Variants in SGCZ observed in about 807,000 individuals in gnomAD.
SGCZ encodes zeta-sarcoglycan.
A neutral mutation model predicts 41.3 loss-of-function variants in SGCZ; 40 were observed. The ratio of observed to expected loss-of-function variants is 0.97; its 90% CI spans 0.75 to 1.26. The LOEUF (loss-of-function observed/expected upper bound fraction) is 1.26. Among genes scored for constraint, SGCZ ranks in the 50% most tolerant of loss-of-function variants. The pLI is 0.00. For missense variants in SGCZ, 552 were observed against 369.8 expected (o/e 1.49, Z -4.04); for synonymous variants, 206 against 137.5 (o/e 1.50, Z -3.49).
intron 1 of SGCZ, among the ~76,000 whole-genome samples, chr8:15,082,516 G>C (rs1041618643): frequency 7.2e-5 from 11 of 151,796 alleles, no homozygotes; most frequent in African/African-American, 2.7e-4. Context: ...CCAAAACACT[G>C]AGTTACAGAA....
chr8:14,690,676 G>A (rs1286737806), intron 1 of SGCZ: 11 of 152,064 alleles, frequency 7.2e-5, no homozygotes, highest in Admixed American at 1.3e-4. Flanking sequence ...TTCTAATACC[G>A]TGGCTGGTGT....
At chr8:14,136,154 A>G (rs1230627445) in intron 5 of SGCZ, among the ~76,000 whole-genome samples, 1 of 152,208 alleles carries the variant, frequency 6.6e-6, no homozygotes, top group Non-Finnish European at 1.5e-5. Context: ...AATGCTCTTC[A>G]AACACTAAAG....
chr8:14,538,643 G>A (rs1019494730), intron 2 of SGCZ, among the ~76,000 whole-genome samples: 8 of 151,872 alleles, frequency 5.3e-5, no homozygotes, highest in Non-Finnish European at 1.2e-4. Context: ...ACACAATAAG[G>A]CCTTTCTTGT....
chr8:14,621,005 C>T (rs914545506), intron 1 of SGCZ, among the ~76,000 whole-genome samples: 12 of 151,950 alleles, frequency 7.9e-5, no homozygotes, highest in Admixed American at 5.2e-4. Flanking sequence ...TTTATTGCAG[C>T]GCTATTGACA....
intron 1 of SGCZ, among the ~76,000 whole-genome samples, chr8:15,008,059 A>G (rs532940535): frequency 6.6e-6 from 1 of 152,304 alleles, no homozygotes; most frequent in Non-Finnish European, 1.5e-5. Flanking sequence ...GATTTTCTAT[A>G]AAAATATCAA....
At chr8:14,323,329 G>T (rs543032508) in intron 3 of SGCZ, among the ~76,000 whole-genome samples, 1 of 151,934 alleles carries the variant, frequency 6.6e-6, no homozygotes, top group East Asian at 1.9e-4. Context: ...TCACATTTAT[G>T]AAAAAAGTAT....
chr8:14,380,132 T>C (rs987925681), intron 2 of SGCZ, among the ~76,000 whole-genome samples: 3 of 152,196 alleles, frequency 2.0e-5, no homozygotes, highest in Non-Finnish European at 4.4e-5. Flanking sequence ...ATTATTTTAG[T>C]GGGGCATGAG....
chr8:14,933,517 C>G (rs1195969112), intron 1 of SGCZ, among the ~76,000 whole-genome samples: 1 of 150,954 alleles, frequency 6.6e-6, no homozygotes, highest in Non-Finnish European at 1.5e-5. Context: ...CTGCAAGCTC[C>G]GCCTCCCGCG....
At chr8:14,519,862 C>T (rs1426642141) in intron 2 of SGCZ, among the ~76,000 whole-genome samples, 2 of 152,228 alleles carry the variant, frequency 1.3e-5, no homozygotes, top group South Asian at 2.1e-4. Flanking sequence ...TGTGCTTCTA[C>T]TTGTGTGTCT....
intron 1 of SGCZ, among the ~76,000 whole-genome samples, chr8:14,902,040 C>A (rs1798986660): frequency 6.6e-6 from 1 of 152,112 alleles, no homozygotes; most frequent in South Asian, 2.1e-4. Context: ...AATTATTATA[C>A]ATTTTAGTGG....
In SGCZ at chr8:14,324,236, G is replaced by T. The variant is rs375749919; in HGVS notation, c.235-32C>A. Reference sequence around the variant, plus strand: ...GCAATGAAATATAGTTCACTTTTAGGTTAATTGGAGAATGAATATCTGGCC... The same window carrying T: ...GCAATGAAATATAGTTCACTTTTAGTTTAATTGGAGAATGAATATCTGGCC... On this transcript the variant is annotated intron_variant, in intron 2 of 7. Transcript: ENST00000382080. The T allele has an allele frequency of 4.1e-5, 61 of 1,488,226 alleles. No individual in the cohort carries two copies. The African/African-American group carries it at 7.6e-4, about 19-fold the overall frequency. 92.2% of individuals were successfully genotyped at this position (1,488,226 alleles called of 1,614,324 possible).
At chr8:14,755,431 G>A (rs1442407722) in intron 1 of SGCZ, among the ~76,000 whole-genome samples, 1 of 151,838 alleles carries the variant, frequency 6.6e-6, no homozygotes, top group Admixed American at 6.6e-5. Context: ...GTGTCAGCTG[G>A]TTTTTCATAA....
chr8:14,926,831 G>A (rs796938460), intron 1 of SGCZ, among the ~76,000 whole-genome samples: 3 of 152,016 alleles, frequency 2.0e-5, no homozygotes, highest in Admixed American at 6.5e-5. Context: ...AGTAGAGACA[G>A]GGTTTCACCA....
chr8:14,721,583 A>G (rs1365394985), intron 1 of SGCZ, among the ~76,000 whole-genome samples: 1 of 151,874 alleles, frequency 6.6e-6, no homozygotes. Flanking sequence ...ACTTCTCACC[A>G]CCTCTACCAC....
chr8:14,475,957 T>G (rs557074376), intron 2 of SGCZ, among the ~76,000 whole-genome samples: 1 of 152,092 alleles, frequency 6.6e-6, no homozygotes, highest in South Asian at 2.1e-4. Flanking sequence ...CACTACAGGT[T>G]TGCGCCACCA....
At chr8:14,694,658 C>T (rs183456052) in intron 1 of SGCZ, among the ~76,000 whole-genome samples, 159 of 152,262 alleles carry the variant, frequency 1.0e-3, no homozygotes, top group Non-Finnish European at 1.1e-3. Flanking sequence ...ACATCTAACA[C>T]GGTGCCAGGC....
intron 1 of SGCZ, among the ~76,000 whole-genome samples, chr8:14,838,495 G>A (rs1443110878): frequency 6.6e-6 from 1 of 152,102 alleles, no homozygotes; most frequent in African/African-American, 2.4e-5. Context: ...CATCCCAGGA[G>A]CAGGTACCAT....
rs150188833 is a variant in SGCZ at position 14,271,265 on chromosome 8, G to A, written c.337-33586C>T. On this transcript the variant is annotated intron_variant, in intron 3 of 7. Transcript: ENST00000382080. ...TAAAGGAAATCTTAAAAAGATCTGT[G>A]AATCGTGTTCTTTAGAAATTTCTTT... Among the ~76,000 whole-genome samples, 195 of 151,958 alleles carry A rather than the reference G, an allele frequency of 1.3e-3. 1 individual carries two copies. The highest frequency in any genetic ancestry group is 4.5e-3 in the African/African-American group (188 of 41,478).
chr8:14,641,267 A>G (rs538098481), intron 1 of SGCZ, among the ~76,000 whole-genome samples: 6 of 151,838 alleles, frequency 4.0e-5, no homozygotes, highest in Admixed American at 1.3e-4. Context: ...CAAAACACAT[A>G]CACATATATG....
Sources: gnomAD v4.1 joint callset for allele counts (sites outside exome capture counted in the v4.1 genomes callset) on GRCh38, gnomAD v4.1.1 for gene constraint, MANE v1.5 for transcripts, NCBI Gene and HGNC (gene_info 2026-07-23, HGNC 2026-07-21) for gene names.